Variants in F13A1 observed in about 807,000 individuals in gnomAD.
The protein encoded by F13A1 is coagulation factor XIII A chain, also known as FSF, A subunit.
Under a neutral mutation model 80.1 loss-of-function variants are expected in F13A1, and 47 were observed. That is an observed-to-expected ratio of 0.59 (90% confidence interval 0.46 to 0.75). F13A1 has a LOEUF of 0.75. F13A1 is among the 30% of genes least tolerant of loss of function. The probability of loss-of-function intolerance (pLI) is 0.00; values close to 1 mark genes in which losing one functional copy is unlikely to be tolerated. For synonymous variants in F13A1, 349 were observed against 344.9 expected, an observed-to-expected ratio of 1.01 and a Z score of -0.13; for missense variants, 817 against 930.4, an observed-to-expected ratio of 0.88 and a Z score of 1.59.
chr6:6,188,114 T>C (rs1366310051), intron 10 of F13A1, among the ~76,000 whole-genome samples: 1 of 152,184 alleles, frequency 6.6e-6, no homozygotes, highest in African/African-American at 2.4e-5. Flanking sequence ...TCTTCTCTCT[T>C]TTTTTCTTTA....
At chr6:6,249,708 G>C (rs1042545337) in intron 5 of F13A1, among the ~76,000 whole-genome samples, 7 of 152,120 alleles carry the variant, frequency 4.6e-5, no homozygotes, top group Non-Finnish European at 8.8e-5. Context: ...CAGGCTAAAG[G>C]CTAGAAATTG....
chr6:6,305,225 G>C lies in F13A1; in HGVS notation c.319+126C>G, dbSNP rs7745910. 153,324 of 1,056,192 alleles carry C rather than the reference G, an allele frequency of 0.15. 12,387 individuals are homozygous for C. Among genetic ancestry groups the C allele is most frequent in the South Asian group, 0.25 (19,194 of 75,544 alleles). The allele number at this position is 1,056,192 out of a possible 1,614,324, so 65.4% of individuals were successfully genotyped here. The stretch of plus-strand genomic sequence containing the variant: ...AGAGCACAGGGTAATTCAGGGGCTG[G>C]ATGTCATTCCAGCTCCTGCCACTGT... On this transcript the variant is annotated intron_variant, in intron 3 of 14. Transcript: ENST00000264870.
chr6:6,258,487 A>G (rs1757732389), intron 4 of F13A1, among the ~76,000 whole-genome samples: 1 of 152,184 alleles, frequency 6.6e-6, no homozygotes, highest in Non-Finnish European at 1.5e-5. Flanking sequence ...TGTAAACCAC[A>G]TGAATTGGTG....
chr6:6,265,093 T>C (rs1313377812), intron 4 of F13A1, among the ~76,000 whole-genome samples: 1 of 152,166 alleles, frequency 6.6e-6, no homozygotes, highest in Non-Finnish European at 1.5e-5. Context: ...ACACCACGTC[T>C]CTACAAAAAG....
At chr6:6,305,950 G>A (rs1758507002) in intron 2 of F13A1, among the ~76,000 whole-genome samples, 1 of 152,186 alleles carries the variant, frequency 6.6e-6, no homozygotes, top group African/African-American at 2.4e-5. Flanking sequence ...GCAGGGAATA[G>A]CCACTTCAAT....
chr6:6,230,661 C>A (rs1757338449), intron 6 of F13A1, among the ~76,000 whole-genome samples: 1 of 152,160 alleles, frequency 6.6e-6, no homozygotes, highest in African/African-American at 2.4e-5. Context: ...CATTAAACAC[C>A]AAAGCTAAGA....
rs1381013336 is a variant in F13A1 at position 6,269,267 on chromosome 6, TG to T, written c.320-2459del. Among the ~76,000 whole-genome samples the T allele has an allele frequency of 6.6e-5, 10 of 152,216 alleles. No homozygotes were observed. The East Asian group carries it at 1.9e-3, about 29-fold the overall frequency. ...AGATCATGGTGGTCATAGTTTGTGA[TG>T]GGGAGGGCAGCTTAATAATTGGTAG... On this transcript the variant is annotated intron_variant, in intron 3 of 14. Transcript: ENST00000264870.
chr6:6,281,357 TTC>T (rs1393737126), intron 3 of F13A1, among the ~76,000 whole-genome samples: 1 of 152,188 alleles, frequency 6.6e-6, no homozygotes, highest in African/African-American at 2.4e-5. Context: ...ATGTAATTTC[TTC>T]TAAGACCTTT....
chr6:6,229,089 G>A (rs1164626353), intron 6 of F13A1, among the ~76,000 whole-genome samples: 3 of 152,176 alleles, frequency 2.0e-5, no homozygotes, highest in African/African-American at 4.8e-5. Context: ...TTGTAGTTCA[G>A]AAGTGAGATC....
intron 7 of F13A1, among the ~76,000 whole-genome samples, chr6:6,223,315 AT>A (rs1314656683): frequency 6.6e-6 from 1 of 152,142 alleles, no homozygotes; most frequent in Non-Finnish European, 1.5e-5. Context: ...GGTGTTCACT[AT>A]TTTATCTTGT....
intron 14 of F13A1, among the ~76,000 whole-genome samples, chr6:6,151,106 G>T (rs1473237165): frequency 2.0e-5 from 3 of 152,180 alleles, no homozygotes; most frequent in Non-Finnish European, 4.4e-5. Context: ...GGGTTATCTT[G>T]TTGGGTCACA....
intron 4 of F13A1, among the ~76,000 whole-genome samples, chr6:6,253,604 G>A (rs897538967): frequency 3.9e-5 from 6 of 152,182 alleles, no homozygotes; most frequent in Admixed American, 6.5e-5. Context: ...CAGTCTGGAT[G>A]AGCCCAATCC....
chr6:6,249,312 G>A (rs866498677), intron 5 of F13A1, among the ~76,000 whole-genome samples: 1 of 152,186 alleles, frequency 6.6e-6, no homozygotes. Context: ...TGCAGTAATG[G>A]GTAATTGCAC....
intron 8 of F13A1, among the ~76,000 whole-genome samples, chr6:6,220,099 C>T (rs1015205764): frequency 2.0e-5 from 3 of 152,164 alleles, no homozygotes; most frequent in Admixed American, 6.5e-5. Context: ...CCCTTTAATC[C>T]CTGTGCTTCA....
chr6:6,266,856 C>T (rs1329086740), intron 3 of F13A1, 47 bp from the exon 4 acceptor site: 10 of 1,613,414 alleles, frequency 6.2e-6, no homozygotes, highest in African/African-American at 1.3e-5. Context: ...TTTCACAAGC[C>T]ATTTTTGTTC....
At chr6:6,184,937 G>T (rs986348657) in intron 10 of F13A1, among the ~76,000 whole-genome samples, 2 of 152,002 alleles carry the variant, frequency 1.3e-5, no homozygotes, top group Admixed American at 6.6e-5. Context: ...TTTTGGTTTC[G>T]GCCTGTAGTG....
At chr6:6,153,794 C>T (rs1213944603) in intron 13 of F13A1, among the ~76,000 whole-genome samples, 1 of 152,276 alleles carries the variant, frequency 6.6e-6, no homozygotes, top group Non-Finnish European at 1.5e-5. Context: ...AGCTGACAAC[C>T]ATAATTCACA....
At chr6:6,161,015 T>C (rs1760563842) in intron 13 of F13A1, among the ~76,000 whole-genome samples, 1 of 152,184 alleles carries the variant, frequency 6.6e-6, no homozygotes. Context: ...CTGCAAAGGC[T>C]GCAGGACTTT....
chr6:6,153,316 T>G (rs1760412709), intron 13 of F13A1, among the ~76,000 whole-genome samples: 1 of 152,220 alleles, frequency 6.6e-6, no homozygotes, highest in African/African-American at 2.4e-5. Context: ...CCTTGCTTAC[T>G]TATGCTACAG....
Sources: allele counts gnomAD v4.1 joint callset (sites outside exome capture counted in the v4.1 genomes callset), GRCh38; gene constraint gnomAD v4.1.1; transcripts MANE v1.5; gene names NCBI Gene and HGNC (gene_info 2026-07-23, HGNC 2026-07-21).